The following NECTIN1 variants were observed in gnomAD, a reference collection of about 807,000 sequenced individuals.
NECTIN1 encodes the protein nectin cell adhesion molecule 1, also known as nectin-1.
A neutral mutation model predicts 48.0 loss-of-function variants in NECTIN1; 23 were observed. That is an observed-to-expected ratio of 0.48 (90% CI 0.34 to 0.68). The LOEUF (loss-of-function observed/expected upper bound fraction) is 0.68. NECTIN1 is among the 30% of genes least tolerant of loss of function. NECTIN1 has a pLI of 0.01. For missense variants in NECTIN1, 591 were observed against 709.9 expected (o/e 0.83, Z 1.90); for synonymous variants, 270 against 288.9 (o/e 0.93, Z 0.66).
At chr11:119,687,609 A>G (rs1379071051) in intron 1 of NECTIN1, among the ~76,000 whole-genome samples, 1 of 152,188 alleles carries the variant, frequency 6.6e-6, no homozygotes, top group Non-Finnish European at 1.5e-5. Context: ...GAGTGTAGGC[A>G]GCAGCCTCTT....
chr11:119,678,407 C>A lies in NECTIN1; in HGVS notation c.430+8G>T. On this transcript the variant is annotated splice_region_variant and intron_variant, in intron 2 of 5. Transcript: ENST00000264025. The surrounding 1 kb of genome is among the most constrained non-coding windows in gnomAD (Gnocchi z 4.4). Reference sequence around the variant, plus strand: ...GGATGAACAGGGAGGGGGCCCAGGGCAGCTTACCCATCACCGTGAGATTGA... The same window carrying A: ...GGATGAACAGGGAGGGGGCCCAGGGAAGCTTACCCATCACCGTGAGATTGA... 6.2e-7 allele frequency: 1 copy of A among 1,612,994 alleles called. No individual in the cohort carries two copies. The highest frequency in any genetic ancestry group is 1.1e-5 in the South Asian group (1 of 91,070).
rs1055549805 is a variant in NECTIN1 at position 119,672,667 on chromosome 11, G to A, written c.1003+2492C>T. On this transcript the variant is annotated intron_variant, in intron 5 of 5. Transcript: ENST00000264025. This position sits in a 1 kb window ranked among gnomAD's most constrained non-coding sequence, Gnocchi z 4.3. ...CCTCGCCACGGTGCTTCCTGGCTGA[G>A]AGCCCTTCAGAGACTCCCTGTGGCC... is the stretch of plus-strand genomic sequence containing the variant. Among the ~76,000 whole-genome samples, 1 of 152,178 alleles carries A rather than the reference G, an allele frequency of 6.6e-6. No homozygotes were observed. The highest frequency in any genetic ancestry group is 1.5e-5 in the Non-Finnish European group (1 of 68,018).
chr11:119,653,706 T>G (rs1404770444), intron 5 of NECTIN1, among the ~76,000 whole-genome samples: 2 of 152,122 alleles, frequency 1.3e-5, no homozygotes, highest in African/African-American at 4.8e-5. Flanking sequence ...AAAATAACAA[T>G]AAGTAAGAAT....
chr11:119,674,740 C>T, intron 5 of NECTIN1: 1 of 1,611,988 alleles, frequency 6.2e-7, no homozygotes, highest in Admixed American at 1.7e-5. Context: ...TGAGGTAAGC[C>T]TCACTTTCTG....
rs147021371 is a variant in NECTIN1 at position 119,696,908 on chromosome 11, G to A, written c.80-18143C>T. On this transcript the variant is annotated intron_variant, in intron 1 of 5. Coordinates refer to ENST00000264025, the MANE Select transcript of NECTIN1 (RefSeq NM_002855.5). ...GAGGCCTGAGAATAGTGAGATAGCC[G>A]CGCGATGTCACCTGCACAATGCACT... is the stretch of plus-strand genomic sequence containing the variant. 9.6e-3 allele frequency among the ~76,000 whole-genome samples: 1,462 copies of A among 152,270 alleles called. 18 individuals carry two copies. Among genetic ancestry groups the A allele is most frequent in the Non-Finnish European group, 0.011 (717 of 68,012 alleles).
rs910624435 is a variant in NECTIN1 at position 119,683,837 on chromosome 11, C to A, written c.80-5072G>T. 1.3e-5 allele frequency among the ~76,000 whole-genome samples: 2 copies of A among 152,020 alleles called. No individual in the cohort carries two copies. Among genetic ancestry groups the A allele is most frequent in the African/African-American group, 4.8e-5 (2 of 41,368 alleles). ...GGGACCCATGCCCCTGGGGCTTGTT[C>A]TCAAGTGCCTCAGTTTCCCCACTAG... On this transcript the variant is annotated intron_variant, in intron 1 of 5. Coordinates refer to ENST00000264025, the MANE Select transcript of NECTIN1 (RefSeq NM_002855.5). This position sits in a 1 kb window ranked among gnomAD's most constrained non-coding sequence, Gnocchi z 4.0.
Position 119,663,243 on chromosome 11 carries a change from G to C in NECTIN1, c.*1504C>G. The C allele has an allele frequency of 1.0e-6, 1 of 985,564 alleles. No homozygotes were observed. Among genetic ancestry groups the C allele is most frequent in the Non-Finnish European group, 1.2e-6 (1 of 829,986 alleles). The allele number at this position is 985,564 out of a possible 1,614,324, so 61.1% of individuals were successfully genotyped here. ...TCCTTCCCATGGGCATGCCTGTCTA[G>C]AGTGCCAGGGGATCTGGGAGCAGAT... is the stretch of plus-strand genomic sequence containing the variant. On this transcript the variant is annotated 3_prime_UTR_variant, in exon 6 of 6. Coordinates refer to ENST00000264025, the MANE Select transcript of NECTIN1 (RefSeq NM_002855.5).
chr11:119,670,007 T>C (rs1449868819), intron 5 of NECTIN1, among the ~76,000 whole-genome samples: 5 of 151,656 alleles, frequency 3.3e-5, no homozygotes, highest in Non-Finnish European at 7.4e-5. Flanking sequence ...TCGCCCAGGC[T>C]GGAGTGCAGT....
intron 1 of NECTIN1, among the ~76,000 whole-genome samples, chr11:119,694,100 C>T (rs1438157600): frequency 6.6e-6 from 1 of 152,174 alleles, no homozygotes; most frequent in Non-Finnish European, 1.5e-5. Context: ...CATTGGTCAG[C>T]TAGCAGCTCT....
rs141709460 is a variant in NECTIN1 at position 119,638,794 on chromosome 11, G to A, written c.1164C>T (p.Pro388=). The A allele has an allele frequency of 3.1e-6, 5 of 1,613,806 alleles. No individual in the cohort carries two copies. The South Asian group carries it at 3.3e-5, about 11-fold the overall frequency. ...GAGAAGGCTCCGGCTTCTGGGAGAG[G>A]GGCTGGTCGGTCCTGGAGACAGAAT... The change falls in exon 7 of 8, where the codon CCC becomes CCT. Residue 388 remains proline, a synonymous_variant. Transcript: ENST00000341398.
intron 1 of NECTIN1, among the ~76,000 whole-genome samples, chr11:119,708,394 G>T (rs932305827): frequency 2.0e-5 from 3 of 152,216 alleles, no homozygotes; most frequent in Admixed American, 2.0e-4. Flanking sequence ...TATTAGATGA[G>T]GGTCTGAACT....
intron 7 of NECTIN1, chr11:119,638,377 G>A (rs1028661624): frequency 4.8e-6 from 6 of 1,246,382 alleles, no homozygotes; most frequent in Non-Finnish European, 6.8e-6. Context: ...CCCCACACTG[G>A]TGACTGTCTT....
chr11:119,643,836 T>G (rs879771920), intron 5 of NECTIN1, among the ~76,000 whole-genome samples: 53 of 151,682 alleles, frequency 3.5e-4, no homozygotes, highest in Non-Finnish European at 7.1e-4. Flanking sequence ...GGGGTGGGGG[T>G]GGGGCCTCCA....
rs984337830 is a variant in NECTIN1, at chr11:119,683,208, G to A, written c.80-4443C>T. Among the ~76,000 whole-genome samples the A allele has an allele frequency of 1.2e-4, 19 of 152,196 alleles. No individual in the cohort carries two copies. Among genetic ancestry groups the A allele is most frequent in the African/African-American group, 4.1e-4 (17 of 41,436 alleles). ...CCGCAGGTTCCCTCTTACATGAGAA[G>A]CAGAGGCTGGCCCAGATGTGGGAAC... is the stretch of plus-strand genomic sequence containing the variant. On this transcript the variant is annotated intron_variant, in intron 1 of 5. Transcript: ENST00000264025. The surrounding 1 kb of genome is among the most constrained non-coding windows in gnomAD (Gnocchi z 4.0).
rs4938712 is a variant in NECTIN1 at position 119,696,428 on chromosome 11, G to T, written c.80-17663C>A. ...GGTGTTCTGGAGTTCAACCCCGCCCGCCCCCTGGGGTGGGGTTGGAGGAGG... is the reference window on the plus strand; with the variant it reads ...GGTGTTCTGGAGTTCAACCCCGCCCTCCCCCTGGGGTGGGGTTGGAGGAGG... On this transcript the variant is annotated intron_variant, in intron 1 of 5. Coordinates refer to ENST00000264025, the MANE Select transcript of NECTIN1 (RefSeq NM_002855.5). Among the ~76,000 whole-genome samples the T allele has an allele frequency of 4.1e-4, 62 of 152,156 alleles. No homozygotes were observed. In the East Asian group the frequency reaches 0.011, roughly 27 times the overall value.
rs967398848 is a variant in NECTIN1 at position 119,672,869 on chromosome 11, G to A, written c.1003+2290C>T. Among the ~76,000 whole-genome samples the A allele has an allele frequency of 6.6e-6, 1 of 152,178 alleles. No homozygotes were observed. The highest frequency in any genetic ancestry group is 2.1e-4 in the South Asian group (1 of 4,824). ...GGTCCCCAAGAAGCCATGCCAAAGC[G>A]AGTCTGCGCAGGTGTGCAGTGGCCC... On this transcript the variant is annotated intron_variant, in intron 5 of 5. Transcript: ENST00000264025. This position sits in a 1 kb window ranked among gnomAD's most constrained non-coding sequence, Gnocchi z 4.3.
chr11:119,724,794 T>C (rs1248511909), intron 1 of NECTIN1, among the ~76,000 whole-genome samples: 1 of 152,252 alleles, frequency 6.6e-6, no homozygotes, highest in African/African-American at 2.4e-5. Flanking sequence ...CCTGTATACC[T>C]GTGTGCACAC....
At chr11:119,703,155 C>T (rs1027603522) in intron 1 of NECTIN1, among the ~76,000 whole-genome samples, 18 of 152,214 alleles carry the variant, frequency 1.2e-4, no homozygotes, top group African/African-American at 4.1e-4. Flanking sequence ...AACTGACACA[C>T]GGCATGACCA....
At chr11:119,697,041 G>A (rs776199168) in intron 1 of NECTIN1, among the ~76,000 whole-genome samples, 1 of 152,116 alleles carries the variant, frequency 6.6e-6, no homozygotes, top group South Asian at 2.1e-4. Context: ...CCGCTGCAGC[G>A]GGCAGAGGCC....
Sources: gnomAD v4.1 joint callset for allele counts (sites outside exome capture counted in the v4.1 genomes callset) on GRCh38, gnomAD v4.1.1 for gene constraint, Gnocchi (gnomAD v3.1) non-coding constraint, MANE v1.5 for transcripts, NCBI Gene and HGNC (gene_info 2026-07-23, HGNC 2026-07-21) for gene names.